SRGAP2C: variants seen among roughly 807,000 people sequenced by gnomAD.
The protein encoded by SRGAP2C is SLIT-ROBO Rho GTPase-activating protein 2C.
Under a neutral mutation model 25.1 loss-of-function variants are expected in SRGAP2C, and 15 were observed. That is an observed-to-expected ratio of 0.60 (90% CI 0.40 to 0.92). The LOEUF (loss-of-function observed/expected upper bound fraction) is 0.92, where lower values mean the gene tolerates loss of function less well. Among genes scored for constraint, SRGAP2C ranks in the 40% least tolerant of loss-of-function variants. SRGAP2C has a pLI of 0.00. For synonymous variants in SRGAP2C, 44 were observed against 96.6 expected (o/e 0.46, Z 3.19); for missense variants, 144 against 264.4 (o/e 0.54, Z 3.16).
At chr1:121,259,494 G>T (rs143182020) in intron 2 of SRGAP2C, among the ~76,000 whole-genome samples, 4 of 124,910 alleles carry the variant, frequency 3.2e-5, no homozygotes, top group South Asian at 2.5e-4. Flanking sequence ...AAAAAGAGAA[G>T]AAAATAGAGT....
chr1:121,357,057 TGAGCTTTGTTA>T (rs1360549151), intron 4 of SRGAP2C, among the ~76,000 whole-genome samples: 6 of 141,994 alleles, frequency 4.2e-5, no homozygotes, highest in Admixed American at 3.5e-4. Flanking sequence ...GGGACCAAAG[TGAGCTTTGTTA>T]GTGAGCATTC....
chr1:121,313,628 C>CA (rs1369906586), intron 3 of SRGAP2C, among the ~76,000 whole-genome samples: 3 of 124,296 alleles, frequency 2.4e-5, no homozygotes, highest in Non-Finnish European at 3.4e-5. Flanking sequence ...CTGGTGGTGA[C>CA]AAAATCTCTC....
chr1:121,243,727 A>G, intron 2 of SRGAP2C, among the ~76,000 whole-genome samples: 1 of 135,156 alleles, frequency 7.4e-6, no homozygotes, highest in Middle Eastern at 3.5e-3. Flanking sequence ...CCTCCGATTT[A>G]TAATTATTTA....
chr1:121,289,291 G>A (rs1436657702), intron 3 of SRGAP2C, among the ~76,000 whole-genome samples: 4 of 144,210 alleles, frequency 2.8e-5, no homozygotes, highest in East Asian at 4.6e-4. Flanking sequence ...CGAGCACAGC[G>A]CCGATGGTCC....
intron 2 of SRGAP2C, among the ~76,000 whole-genome samples, chr1:121,239,883 T>C (rs1553329590): frequency 6.6e-6 from 1 of 152,254 alleles, no homozygotes; most frequent in African/African-American, 2.4e-5. Flanking sequence ...TTAAATGATC[T>C]AATTTAAGTT....
At chr1:121,343,913 TC>T (rs1482969801) in intron 4 of SRGAP2C, among the ~76,000 whole-genome samples, 2 of 151,032 alleles carry the variant, frequency 1.3e-5, no homozygotes, top group Admixed American at 1.3e-4. Context: ...GAAAAAAAAT[TC>T]CTGATCTGGG....
At chr1:121,199,022 A>G (rs1553321234) in intron 2 of SRGAP2C, among the ~76,000 whole-genome samples, 1 of 152,062 alleles carries the variant, frequency 6.6e-6, no homozygotes, top group African/African-American at 2.4e-5. Context: ...GGCCCTTATA[A>G]TAATGATGAT....
chr1:121,209,808 T>C lies in SRGAP2C; in HGVS notation c.67+22295T>C, dbSNP rs621278. Among the ~76,000 whole-genome samples, 654 of 76,900 alleles carry C rather than the reference T, an allele frequency of 8.5e-3. 217 individuals carry two copies. The highest frequency in any genetic ancestry group is 0.04 in the African/African-American group (597 of 15,112). 50.4% of individuals were successfully genotyped at this position (76,900 alleles called of 152,430 possible). A position where few individuals can be genotyped will look rare whatever the true frequency, so the allele number is the denominator to read the frequency against. On this transcript the variant is annotated intron_variant, in intron 2 of 9. Transcript: ENST00000367123. ...CTTGATATCTCAATTACATTAGAGGTTAAAACAGTTTTCTACCAGCATGAG... is the reference window on the plus strand; with the variant it reads ...CTTGATATCTCAATTACATTAGAGGCTAAAACAGTTTTCTACCAGCATGAG...
intron 2 of SRGAP2C, among the ~76,000 whole-genome samples, chr1:121,213,219 T>C (rs1239441791): frequency 6.7e-6 from 1 of 148,680 alleles, no homozygotes; most frequent in Non-Finnish European, 1.5e-5. Context: ...GTAATTTTTG[T>C]ATTTTTAGTA....
chr1:121,185,009 T>G lies in SRGAP2C; in HGVS notation c.-658T>G, dbSNP rs1487086847. ...CGGAGTTGGCGGAGGCGGCGGAGGC[T>G]CCTCCAGGGACTGGGGCACCGATCT... is the stretch of plus-strand genomic sequence containing the variant. On this transcript the variant is annotated 5_prime_UTR_variant, in exon 1 of 10. Transcript: ENST00000367123. 2.0e-6 allele frequency: 1 copy of G among 509,718 alleles called. No individual in the cohort carries two copies. The highest frequency in any genetic ancestry group is 3.4e-6 in the Non-Finnish European group (1 of 291,450). The allele number at this position is 509,718 out of a possible 1,614,324, so 31.6% of individuals were successfully genotyped here.
intron 2 of SRGAP2C, among the ~76,000 whole-genome samples, chr1:121,254,883 C>G (rs1362539699): frequency 6.6e-6 from 1 of 151,786 alleles, no homozygotes; most frequent in Non-Finnish European, 1.5e-5. Context: ...TGCCCTTGAA[C>G]AGGGGAAGAG....
chr1:121,258,297 A>G (rs1553332862), intron 2 of SRGAP2C, among the ~76,000 whole-genome samples: 1 of 151,354 alleles, frequency 6.6e-6, no homozygotes, highest in Non-Finnish European at 1.5e-5. Flanking sequence ...GTCTTCTTTT[A>G]TTTTGTTTTT....
At chr1:121,235,290 G>T in intron 2 of SRGAP2C, among the ~76,000 whole-genome samples, 1 of 77,866 alleles carries the variant, frequency 1.3e-5, no homozygotes. Flanking sequence ...TGCAGTCTGT[G>T]GCATTCTGTT....
intron 8 of SRGAP2C, among the ~76,000 whole-genome samples, chr1:121,385,033 T>C (rs1170327944): frequency 1.3e-5 from 2 of 151,986 alleles, no homozygotes; most frequent in East Asian, 3.9e-4. Context: ...ATGAGTGAAA[T>C]AAAAAGAGAT....
intron 2 of SRGAP2C, among the ~76,000 whole-genome samples, chr1:121,206,173 T>C (rs1177454186): frequency 6.6e-6 from 1 of 151,688 alleles, no homozygotes; most frequent in East Asian, 2.0e-4. Context: ...AATACAATGA[T>C]GGTTTTATCC....
At chr1:121,245,750 ACT>A (rs1484161012) in intron 2 of SRGAP2C, among the ~76,000 whole-genome samples, 1 of 119,932 alleles carries the variant, frequency 8.3e-6, no homozygotes, top group African/African-American at 3.7e-5. Context: ...TATTAACCAG[ACT>A]CTCACACTGG....
In SRGAP2C at chr1:121,284,879, C is replaced by T. The variant is rs1259302784; in HGVS notation, c.144C>T (p.Asp48=). Reference sequence around the variant, plus strand: ...AGCTTCGGGTGCAACTGTTGCAGGACCTCCAGGACTTCTTCCGAAAGAAGG... The same window carrying T: ...AGCTTCGGGTGCAACTGTTGCAGGATCTCCAGGACTTCTTCCGAAAGAAGG... The part of the protein sequence containing the change: ...QCELRVQLLQ[D]LQDFFRKKAE... Residue 48 remains aspartate (D), a synonymous_variant, in exon 3 of 10, where the codon GAC becomes GAT. Transcript: ENST00000367123. The T allele has an allele frequency of 1.2e-5, 15 of 1,224,132 alleles. No individual in the cohort carries two copies. The highest frequency in any genetic ancestry group is 1.6e-5 in the Non-Finnish European group (14 of 861,242). 75.8% of individuals were successfully genotyped at this position (1,224,132 alleles called of 1,614,324 possible). A position where few individuals can be genotyped will look rare whatever the true frequency, so the allele number is the denominator to read the frequency against.
chr1:121,328,180 G>A (rs1233446629), intron 4 of SRGAP2C, among the ~76,000 whole-genome samples: 2 of 152,262 alleles, frequency 1.3e-5, no homozygotes, highest in African/African-American at 2.4e-5. Flanking sequence ...TACAATGTCA[G>A]CAATGAAGAA....
chr1:121,298,173 C>T (rs1657636269), intron 3 of SRGAP2C, among the ~76,000 whole-genome samples: 1 of 144,740 alleles, frequency 6.9e-6, no homozygotes, highest in Admixed American at 7.0e-5. Context: ...CCTATAAAAA[C>T]TCAGCAATTG....
Sources: allele counts gnomAD v4.1 joint callset (sites outside exome capture counted in the v4.1 genomes callset), GRCh38; gene constraint gnomAD v4.1.1; transcripts MANE v1.5; gene names NCBI Gene and HGNC (gene_info 2026-07-23, HGNC 2026-07-21).